The following SRGAP3 variants were observed in gnomAD, a reference collection of about 807,000 sequenced individuals.
SRGAP3 encodes the protein SLIT-ROBO Rho GTPase activating protein 3, also known as SLIT-ROBO Rho GTPase-activating protein 3.
In SRGAP3, 39 loss-of-function variants were observed where a neutral mutation model predicts 121.1. The observed-to-expected ratio is 0.32, with a 90% CI of 0.25 to 0.42. SRGAP3 has a LOEUF of 0.42. Among genes scored for constraint, SRGAP3 ranks in the 10% least tolerant of loss-of-function variants. The pLI is 1.00. For synonymous variants in SRGAP3, 601 were observed against 570.0 expected, an observed-to-expected ratio of 1.05 and a Z score of -0.77; for missense variants, 1,213 against 1,470.6, an observed-to-expected ratio of 0.82 and a Z score of 2.86.
chr3:9,076,962 A>ATAT lies in SRGAP3; in HGVS notation c.486+3060_486+3062dup, dbSNP rs375875906. Among the ~76,000 whole-genome samples, 1,269 of 151,742 alleles carry ATAT rather than the reference A, an allele frequency of 8.4e-3. 19 individuals are homozygous for ATAT. The highest frequency in any genetic ancestry group is 0.028 in the African/African-American group (1,149 of 41,376). The stretch of plus-strand genomic sequence containing the variant: ...CAACAGTTCACACACTACTCTTTTT[A>ATAT]TATTATTATTATTATTATACTTTAA... On this transcript the variant is annotated intron_variant, in intron 4 of 21. Coordinates refer to ENST00000383836, the MANE Select transcript of SRGAP3 (RefSeq NM_014850.4).
At chr3:9,098,304 G>C (rs543165876) in intron 3 of SRGAP3, among the ~76,000 whole-genome samples, 5 of 152,172 alleles carry the variant, frequency 3.3e-5, no homozygotes, top group Admixed American at 2.0e-4. Flanking sequence ...TTTGAGACAA[G>C]GTCTCACTCT....
chr3:9,016,474 T>G (rs1943641631), intron 14 of SRGAP3, among the ~76,000 whole-genome samples: 1 of 152,172 alleles, frequency 6.6e-6, no homozygotes, highest in African/African-American at 2.4e-5. Context: ...ACTACATGGG[T>G]GATGTTATGG....
intron 1 of SRGAP3, among the ~76,000 whole-genome samples, chr3:9,208,679 G>A (rs963962508): frequency 6.6e-6 from 1 of 152,182 alleles, no homozygotes; most frequent in African/African-American, 2.4e-5. Context: ...ATTGGTCAGT[G>A]CTAGGCCAAC....
In SRGAP3 at chr3:9,187,957, C is replaced by T. The variant is rs571368884; in HGVS notation, c.67+60928G>A. Among the ~76,000 whole-genome samples, 130 of 152,302 alleles carry T rather than the reference C, an allele frequency of 8.5e-4. 2 individuals are homozygous for T. Among genetic ancestry groups the T allele is most frequent in the South Asian group, 8.3e-4 (4 of 4,828 alleles). On this transcript the variant is annotated intron_variant, in intron 1 of 21. Coordinates refer to ENST00000383836, the MANE Select transcript of SRGAP3 (RefSeq NM_014850.4). ...TTAGCAAACAACCCTCTGCCAGAAGCCTATGGGAACAATAGATTTGGAATG... is the reference window on the plus strand; with the variant it reads ...TTAGCAAACAACCCTCTGCCAGAAGTCTATGGGAACAATAGATTTGGAATG...
At chr3:9,322,466 A>G (rs1302211437) in intron 3 of SRGAP3, among the ~76,000 whole-genome samples, 1 of 151,876 alleles carries the variant, frequency 6.6e-6, no homozygotes, top group Non-Finnish European at 1.5e-5. Flanking sequence ...GACTGGTGCC[A>G]GTCCCCGTGG....
intron 1 of SRGAP3, among the ~76,000 whole-genome samples, chr3:9,196,535 TTTAA>T (rs1951922987): frequency 6.6e-6 from 1 of 152,242 alleles, no homozygotes; most frequent in South Asian, 2.1e-4. Flanking sequence ...TTTTTAATTT[TTTAA>T]TTGAGACAAA....
rs371089678 is a variant in SRGAP3, at chr3:9,163,258, T to A, written c.68-38341A>T. Among the ~76,000 whole-genome samples, 7 of 152,236 alleles carry A rather than the reference T, an allele frequency of 4.6e-5. No homozygotes were observed. The East Asian group carries it at 9.6e-4, about 21-fold the overall frequency. ...ACCCAACACAGGCATCAGCGCCCAC[T>A]CTCGTGGGAGAGATCACTTCCAACC... On this transcript the variant is annotated intron_variant, in intron 1 of 21. Coordinates refer to ENST00000383836, the MANE Select transcript of SRGAP3 (RefSeq NM_014850.4).
chr3:9,204,107 C>T (rs1952177557), intron 1 of SRGAP3, among the ~76,000 whole-genome samples: 1 of 152,224 alleles, frequency 6.6e-6, no homozygotes, highest in African/African-American at 2.4e-5. Context: ...ACCAACACCT[C>T]AGCAGTGAAT....
intron 2 of SRGAP3, among the ~76,000 whole-genome samples, chr3:9,116,340 T>C (rs1042147821): frequency 2.0e-5 from 3 of 152,246 alleles, no homozygotes; most frequent in Non-Finnish European, 4.4e-5. Flanking sequence ...CATTTGGTAG[T>C]GTCTTGGTTA....
intron 1 of SRGAP3, among the ~76,000 whole-genome samples, chr3:9,240,083 T>C (rs1183932216): frequency 6.6e-6 from 1 of 152,226 alleles, no homozygotes; most frequent in Non-Finnish European, 1.5e-5. Context: ...TCACACTGTT[T>C]ATTCTAGAAC....
chr3:9,025,961 A>G (rs1421931827), intron 13 of SRGAP3, among the ~76,000 whole-genome samples: 1 of 152,204 alleles, frequency 6.6e-6, no homozygotes, highest in African/African-American at 2.4e-5. Flanking sequence ...TTTGGTTTGT[A>G]TATAGTATAT....
chr3:9,038,807 T>C (rs1944891409), intron 10 of SRGAP3, among the ~76,000 whole-genome samples: 1 of 152,188 alleles, frequency 6.6e-6, no homozygotes, highest in Admixed American at 6.5e-5. Context: ...TTTCTGCAGG[T>C]ATCTCCCCTC....
chr3:9,065,066 T>C (rs1311865309), intron 4 of SRGAP3, among the ~76,000 whole-genome samples: 2 of 152,072 alleles, frequency 1.3e-5, no homozygotes, highest in South Asian at 2.1e-4. Flanking sequence ...CCCATGGGAA[T>C]TGAATGGGAA....
At chr3:9,304,392 AC>A (rs1395465859) in intron 3 of SRGAP3, among the ~76,000 whole-genome samples, 2 of 152,146 alleles carry the variant, frequency 1.3e-5, no homozygotes, top group Admixed American at 1.3e-4. Context: ...TAATTCTCAA[AC>A]CCAGAGTAGT....
intron 1 of SRGAP3, among the ~76,000 whole-genome samples, chr3:9,189,727 G>C (rs1353836419): frequency 6.6e-6 from 1 of 152,184 alleles, no homozygotes; most frequent in Non-Finnish European, 1.5e-5. Flanking sequence ...GAAGTTTCAT[G>C]TCCTTCACAT....
rs1943796627 is a variant in SRGAP3, at chr3:9,019,327, C to A, written c.1679-3596G>T. Among the ~76,000 whole-genome samples, 4 of 152,132 alleles carry A rather than the reference C, an allele frequency of 2.6e-5. No homozygotes were observed. The South Asian group carries it at 8.3e-4, about 31-fold the overall frequency. On this transcript the variant is annotated intron_variant, in intron 14 of 21. Transcript: ENST00000383836. ...CCATTTTATATTCCTACCAGCAACA[C>A]CATCTCAAGAATGTTGTTTTCCACA...
intron 1 of SRGAP3, among the ~76,000 whole-genome samples, chr3:9,204,397 C>A (rs1952187728): frequency 6.6e-6 from 1 of 152,180 alleles, no homozygotes; most frequent in Admixed American, 6.5e-5. Flanking sequence ...TGACTGCCAC[C>A]CCGCTCACTC....
chr3:9,129,976 G>C (rs1276110711), intron 1 of SRGAP3, among the ~76,000 whole-genome samples: 1 of 152,032 alleles, frequency 6.6e-6, no homozygotes, highest in Non-Finnish European at 1.5e-5. Context: ...TAGCCAGGCT[G>C]GTGTCGAACT....
chr3:9,037,302 T>C (rs1944793490), intron 11 of SRGAP3: 1 of 151,938 alleles, frequency 6.6e-6, no homozygotes, highest in South Asian at 2.1e-4. Flanking sequence ...AATAGGAACA[T>C]AGAAATGAAA....
Sources: gnomAD v4.1 joint callset for allele counts (sites outside exome capture counted in the v4.1 genomes callset) on GRCh38, gnomAD v4.1.1 for gene constraint, MANE v1.5 for transcripts, NCBI Gene and HGNC (gene_info 2026-07-23, HGNC 2026-07-21) for gene names.